GMDS: variants seen among roughly 807,000 people sequenced by gnomAD.
GMDS encodes the protein GDP-mannose 4,6-dehydratase.
GMDS carries 20 observed loss-of-function variants against 49.9 expected under a neutral mutation model. That is an observed-to-expected ratio of 0.40 (90% confidence interval 0.28 to 0.58). The LOEUF (loss-of-function observed/expected upper bound fraction) is 0.58, where lower values mean the gene tolerates loss of function less well. Ranked by LOEUF, GMDS falls within the 20% of genes least tolerant of loss-of-function variation. The probability of loss-of-function intolerance (pLI) is 0.42; values close to 1 mark genes in which losing one functional copy is unlikely to be tolerated. For missense variants in GMDS, 362 were observed against 481.4 expected, an observed-to-expected ratio of 0.75 and a Z score of 2.32; for synonymous variants, 177 against 178.6, an observed-to-expected ratio of 0.99 and a Z score of 0.07.
At chr6:1,810,110 GC>G (rs1277943038) in intron 7 of GMDS, among the ~76,000 whole-genome samples, 1 of 152,108 alleles carries the variant, frequency 6.6e-6, no homozygotes, top group Non-Finnish European at 1.5e-5. Context: ...ATAAGGCACA[GC>G]CCTGCCCTCC....
At chr6:2,125,529 G>A (rs1330038648) in intron 1 of GMDS, among the ~76,000 whole-genome samples, 1 of 152,152 alleles carries the variant, frequency 6.6e-6, no homozygotes, top group Non-Finnish European at 1.5e-5. Flanking sequence ...GGGAGTTCGA[G>A]GCTGGAGTAA....
chr6:1,812,386 C>G (rs903252627), intron 7 of GMDS, among the ~76,000 whole-genome samples: 1 of 152,152 alleles, frequency 6.6e-6, no homozygotes, highest in African/African-American at 2.4e-5. Flanking sequence ...GGGGCCTCCA[C>G]AGTTTCGCTA....
At chr6:2,061,796 C>T (rs1027651288) in intron 4 of GMDS, among the ~76,000 whole-genome samples, 2 of 149,338 alleles carry the variant, frequency 1.3e-5, no homozygotes, top group African/African-American at 2.5e-5. Context: ...TTGGAATGAT[C>T]ATTACAGATG....
chr6:1,935,677 T>A (rs1208868425), intron 6 of GMDS, among the ~76,000 whole-genome samples: 1 of 152,182 alleles, frequency 6.6e-6, no homozygotes, highest in Non-Finnish European at 1.5e-5. Flanking sequence ...CTCATTAACC[T>A]AGGAAAGAGA....
chr6:2,075,267 G>C (rs1419378103), intron 4 of GMDS, among the ~76,000 whole-genome samples: 2 of 151,828 alleles, frequency 1.3e-5, no homozygotes, highest in Non-Finnish European at 2.9e-5. Context: ...TTTTTTACAG[G>C]AAAGTGGATT....
At chr6:2,085,927 G>A (rs1467272334) in intron 4 of GMDS, among the ~76,000 whole-genome samples, 1 of 152,090 alleles carries the variant, frequency 6.6e-6, no homozygotes, top group Admixed American at 6.6e-5. Flanking sequence ...GTGGCCTTAA[G>A]ATATAAAAAT....
At chr6:2,141,865 G>GCTCTCTCTCTCTCTCTCTCTCTCTCT (rs67628075) in intron 1 of GMDS, among the ~76,000 whole-genome samples, 26 of 145,694 alleles carry the variant, frequency 1.8e-4, no homozygotes, top group South Asian at 8.9e-4. Flanking sequence ...GGTTGTGCGT[G>GCTCTCTCTCTCTCTCTCTCTCTCTCT]CTCTCTCTCT....
intron 1 of GMDS, among the ~76,000 whole-genome samples, chr6:2,127,600 G>A (rs1197933464): frequency 6.6e-6 from 1 of 152,176 alleles, no homozygotes; most frequent in Non-Finnish European, 1.5e-5. Context: ...AGTGGCACCG[G>A]CTTCCTCCTC....
chr6:2,169,253 T>C (rs926481696), intron 1 of GMDS, among the ~76,000 whole-genome samples: 4 of 152,220 alleles, frequency 2.6e-5, no homozygotes, highest in African/African-American at 9.6e-5. Flanking sequence ...ACAAAAATAC[T>C]TAAAAGTCCA....
chr6:2,198,887 A>C (rs1416809811), intron 1 of GMDS, among the ~76,000 whole-genome samples: 1 of 152,026 alleles, frequency 6.6e-6, no homozygotes, highest in Admixed American at 6.6e-5. Flanking sequence ...AATTGGTTAG[A>C]ATGAGAACAG....
chr6:1,814,465 T>C lies in GMDS; in HGVS notation c.772-71879A>G, dbSNP rs543909832. ...AAAAACGCAGCTGCCTTTGGAACCC[T>C]CAGGACCACCCACACTGTATGTTCT... On this transcript the variant is annotated intron_variant, in intron 7 of 10. Coordinates refer to ENST00000380815, the MANE Select transcript of GMDS (RefSeq NM_001500.4). Among the ~76,000 whole-genome samples, 23 of 151,898 alleles carry C rather than the reference T, an allele frequency of 1.5e-4. No individual in the cohort carries two copies. In the East Asian group the frequency reaches 3.9e-3, roughly 25 times the overall value.
At position 2,034,189 on chromosome 6, in the gene GMDS, G is replaced by A. The variant is rs187254343; in HGVS notation, c.346-73223C>T. Among the ~76,000 whole-genome samples the A allele has an allele frequency of 2.8e-3, 431 of 152,104 alleles. 4 individuals carry two copies. The highest frequency in any genetic ancestry group is 0.01 in the African/African-American group (417 of 41,482). Reference sequence around the variant, plus strand: ...GGGTCAGTAAACTTCTTTAGTTTACGGACAGACAGTAACTATTTTAAACTT... The same window carrying A: ...GGGTCAGTAAACTTCTTTAGTTTACAGACAGACAGTAACTATTTTAAACTT... On this transcript the variant is annotated intron_variant, in intron 4 of 10. Transcript: ENST00000380815.
chr6:2,014,493 C>T (rs532493919), intron 4 of GMDS, among the ~76,000 whole-genome samples: 17 of 151,802 alleles, frequency 1.1e-4, no homozygotes, highest in Admixed American at 7.9e-4. Flanking sequence ...AGCAGCATAC[C>T]GTTATTTAAA....
At chr6:2,153,944 T>C (rs1240760762) in intron 1 of GMDS, among the ~76,000 whole-genome samples, 3 of 152,136 alleles carry the variant, frequency 2.0e-5, no homozygotes, top group Non-Finnish European at 4.4e-5. Context: ...CCAAAAATTA[T>C]ACTCTGAAGG....
At chr6:1,953,487 T>C (rs1182364553) in intron 6 of GMDS, among the ~76,000 whole-genome samples, 3 of 152,224 alleles carry the variant, frequency 2.0e-5, no homozygotes, top group Non-Finnish European at 4.4e-5. Context: ...CAAAATGTTT[T>C]TTCTTAATTT....
intron 1 of GMDS, among the ~76,000 whole-genome samples, chr6:2,223,529 G>T (rs796253152): frequency 1.7e-4 from 26 of 152,274 alleles, no homozygotes; most frequent in African/African-American, 6.0e-4. Context: ...GCCCAGGCAG[G>T]ACAAGGTAAC....
At chr6:1,690,382 G>C (rs1348390908) in intron 9 of GMDS, among the ~76,000 whole-genome samples, 1 of 152,112 alleles carries the variant, frequency 6.6e-6, no homozygotes, top group Non-Finnish European at 1.5e-5. Context: ...AATCCATCTT[G>C]AGTTAATTTC....
chr6:1,947,296 C>A (rs2628440), intron 6 of GMDS, among the ~76,000 whole-genome samples: 104,004 of 152,012 alleles, frequency 0.68, 35,785 homozygotes, highest in East Asian at 0.83. Context: ...CCTCAAAAAA[C>A]ATTTATCAGT....
chr6:1,931,534 T>C (rs1466048038), intron 6 of GMDS, among the ~76,000 whole-genome samples: 2 of 152,208 alleles, frequency 1.3e-5, no homozygotes, highest in Non-Finnish European at 2.9e-5. Context: ...CAGAGGTTTA[T>C]ATAGCACATA....
Sources: allele counts gnomAD v4.1 joint callset (sites outside exome capture counted in the v4.1 genomes callset), GRCh38; gene constraint gnomAD v4.1.1; transcripts MANE v1.5; gene names NCBI Gene and HGNC (gene_info 2026-07-23, HGNC 2026-07-21).